The following UTRN variants were observed in gnomAD, a reference collection of about 807,000 sequenced individuals.
The protein encoded by UTRN is utrophin, also known as dystrophin-related protein 1.
A neutral mutation model predicts 463.9 loss-of-function variants in UTRN; 283 were observed. The observed-to-expected ratio is 0.61, with a 90% CI of 0.55 to 0.67. The LOEUF is 0.67. Ranked by LOEUF, UTRN falls within the 30% of genes least tolerant of loss-of-function variation. UTRN has a pLI of 0.00. For synonymous variants in UTRN, 1,442 were observed against 1,431.5 expected (o/e 1.01, Z -0.17); for missense variants, 3,922 against 4,084.3 (o/e 0.96, Z 1.08).
chr6:144,323,807 C>G (rs544963279), intron 2 of UTRN, among the ~76,000 whole-genome samples: 15 of 152,188 alleles, frequency 9.9e-5, no homozygotes, highest in African/African-American at 3.4e-4. Flanking sequence ...GTAATTTGGG[C>G]GAAAGCTTGC....
At position 144,522,088 on chromosome 6, in the gene UTRN, G is replaced by T; in HGVS notation, c.5650G>T (p.Asp1884Tyr). Residue 1884 changes from aspartate to tyrosine, a missense_variant, in exon 40 of 75, where the codon GAT (aspartate) becomes TAT (tyrosine). Transcript: ENST00000367545. ...AATTAACAAAATTTTACTTTGCATG[G>T]ATGATGTTGAATTATCGCTTAATGT... ...VEINKILLCM[D>Y]DVELSLNVPE... is the part of the protein sequence containing the mutation. 1 of 1,586,938 alleles carries T rather than the reference G, an allele frequency of 6.3e-7. No homozygotes were observed. The highest frequency in any genetic ancestry group is 8.6e-7 in the Non-Finnish European group (1 of 1,168,358).
At chr6:144,710,711 G>A (rs1019675007) in intron 53 of UTRN, among the ~76,000 whole-genome samples, 1 of 152,020 alleles carries the variant, frequency 6.6e-6, no homozygotes, top group Non-Finnish European at 1.5e-5. Flanking sequence ...ATAATTGTTG[G>A]GAGTCTTTTC....
At chr6:144,429,302 G>A (rs778270693) in intron 8 of UTRN, among the ~76,000 whole-genome samples, 1 of 152,090 alleles carries the variant, frequency 6.6e-6, no homozygotes, top group Non-Finnish European at 1.5e-5. Context: ...AATAAAGTCT[G>A]TATCTTTATC....
intron 45 of UTRN, among the ~76,000 whole-genome samples, chr6:144,540,136 A>G (rs763769407): frequency 5.9e-5 from 9 of 151,956 alleles, no homozygotes; most frequent in African/African-American, 9.7e-5. Context: ...GATTTTTTTC[A>G]TTAAATATAT....
chr6:144,682,135 AC>A (rs745746811), intron 52 of UTRN, among the ~76,000 whole-genome samples: 5 of 150,578 alleles, frequency 3.3e-5, no homozygotes, highest in Admixed American at 6.6e-5. Context: ...CCTCCCCATC[AC>A]CCCCCTGCCC....
chr6:144,828,131 A>C (rs1013115343), intron 68 of UTRN, among the ~76,000 whole-genome samples: 1 of 152,164 alleles, frequency 6.6e-6, no homozygotes, highest in African/African-American at 2.4e-5. Flanking sequence ...GAAAAGTGGT[A>C]TATACTAGGT....
chr6:144,456,436 C>T (rs537830603), intron 19 of UTRN, among the ~76,000 whole-genome samples: 19 of 151,012 alleles, frequency 1.3e-4, no homozygotes, highest in South Asian at 2.1e-4. Context: ...GGGTGGGTCA[C>T]GAGGTCAGGA....
At chr6:144,774,409 G>A (rs201961232) in intron 60 of UTRN, 45 bp downstream of exon 60, 16,624 of 1,277,772 alleles carry the variant, frequency 0.013, 64 homozygotes, top group Non-Finnish European at 0.016. Flanking sequence ...CTTGAATTGC[G>A]TTTTTTTTTT....
rs764685986 is a variant in UTRN at position 144,774,290 on chromosome 6, C to G, written c.8558C>G (p.Ala2853Gly). Residue 2853 changes from alanine (A) to glycine (G), a missense_variant and splice_region_variant, in exon 60 of 75, where the codon GCT (alanine) becomes GGT (glycine). Physicochemically the swap from Ala to Gly is moderately conservative, Grantham distance 60. This residue lies in a region of UTRN where 1,309 missense variants were observed against 1,452.6 expected (regional missense o/e 0.90). Transcript: ENST00000367545. Reference protein sequence around the residue: ...PKMTELFQSLADLNNVRFSAY... With the variant: ...PKMTELFQSLGDLNNVRFSAY... Reference sequence around the variant, plus strand: ...CAAATTGTTTCTTTTTCTATTTCAGCTGACCTGAATAATGTACGTTTTTCT... The same window carrying G: ...CAAATTGTTTCTTTTTCTATTTCAGGTGACCTGAATAATGTACGTTTTTCT... The G allele has an allele frequency of 6.9e-6, 11 of 1,597,918 alleles. No homozygotes were observed. The Admixed American group carries it at 1.4e-4, about 21-fold the overall frequency.
At chr6:144,810,076 C>T (rs965238469) in intron 65 of UTRN, among the ~76,000 whole-genome samples, 7 of 152,100 alleles carry the variant, frequency 4.6e-5, no homozygotes, top group African/African-American at 1.7e-4. Flanking sequence ...TGCTAATGAA[C>T]TAGGCGAACT....
chr6:144,551,338 A>G (rs980099647), intron 48 of UTRN, among the ~76,000 whole-genome samples: 3 of 152,210 alleles, frequency 2.0e-5, no homozygotes, highest in Non-Finnish European at 4.4e-5. Context: ...GTAATTACTT[A>G]CACATTGGGT....
At chr6:144,433,751 C>T (rs1195562511) in intron 9 of UTRN, among the ~76,000 whole-genome samples, 8 of 150,284 alleles carry the variant, frequency 5.3e-5, no homozygotes, top group African/African-American at 2.0e-4. Flanking sequence ...GATGGGCAGT[C>T]GGGCAGAGAT....
At chr6:144,796,563 A>G (rs188547529) in intron 63 of UTRN, among the ~76,000 whole-genome samples, 1 of 152,344 alleles carries the variant, frequency 6.6e-6, no homozygotes, top group Non-Finnish European at 1.5e-5. Context: ...TATGCATACA[A>G]AAGAAAGATG....
At chr6:144,625,256 A>G (rs1775830409) in intron 51 of UTRN, among the ~76,000 whole-genome samples, 2 of 152,234 alleles carry the variant, frequency 1.3e-5, no homozygotes, top group African/African-American at 4.8e-5. Flanking sequence ...GAATTAATAG[A>G]ATCAGTTTCT....
intron 38 of UTRN, 145 bp downstream of exon 38, chr6:144,516,532 A>C: frequency 2.0e-6 from 2 of 986,470 alleles, no homozygotes; most frequent in Non-Finnish European, 2.9e-6. Context: ...TGTCAATGTA[A>C]GAGTCACATG....
At chr6:144,490,039 G>T in intron 30 of UTRN, 32 bp from the exon 31 acceptor site, 1 of 1,588,376 alleles carries the variant, frequency 6.3e-7, no homozygotes, top group Non-Finnish European at 8.5e-7. Flanking sequence ...AAAAAAAAAG[G>T]ACATCCTCTC....
intron 53 of UTRN, among the ~76,000 whole-genome samples, chr6:144,702,179 G>T (rs1338428407): frequency 2.6e-5 from 4 of 152,144 alleles, no homozygotes; most frequent in Non-Finnish European, 5.9e-5. Context: ...ACATCTTGAG[G>T]TATGAAATGA....
intron 51 of UTRN, among the ~76,000 whole-genome samples, chr6:144,617,381 G>C (rs1297067698): frequency 6.6e-6 from 1 of 152,160 alleles, no homozygotes. Context: ...GATTTCACAT[G>C]ATATTTCCTC....
At chr6:144,392,272 T>A (rs1782005475) in intron 2 of UTRN, among the ~76,000 whole-genome samples, 1 of 152,252 alleles carries the variant, frequency 6.6e-6, no homozygotes, top group East Asian at 1.9e-4. Context: ...TATCTTTTTA[T>A]TAGACAATGT....
Sources: gnomAD v4.1 joint callset for allele counts (sites outside exome capture counted in the v4.1 genomes callset) on GRCh38, gnomAD v4.1.1 for gene constraint, gnomAD v4.1.1 regional missense constraint, MANE v1.5 for transcripts, NCBI Gene and HGNC (gene_info 2026-07-23, HGNC 2026-07-21) for gene names.